Variants in NRAP observed in about 807,000 individuals in gnomAD.
NRAP encodes nebulin-related-anchoring protein.
NRAP carries 189 observed loss-of-function variants against 225.9 expected under a neutral mutation model. The observed-to-expected ratio is 0.84, with a 90% CI of 0.74 to 0.94. NRAP has a LOEUF of 0.94. Ranked by LOEUF, NRAP falls within the 40% of genes least tolerant of loss-of-function variation. NRAP has a pLI of 0.00. For missense variants in NRAP, 2,176 were observed against 2,168.7 expected (o/e 1.00, Z -0.07); for synonymous variants, 769 against 790.7 (o/e 0.97, Z 0.46).
intron 3 of NRAP, among the ~76,000 whole-genome samples, chr10:113,661,102 C>G (rs1249090829): frequency 1.3e-5 from 2 of 152,020 alleles, no homozygotes; most frequent in East Asian, 3.9e-4. Flanking sequence ...AAACAAAGTC[C>G]TAAAAGAATT....
In NRAP at chr10:113,597,078, G is replaced by A. The variant is rs763644027; in HGVS notation, c.4431+8C>T. The stretch of plus-strand genomic sequence containing the variant: ...CATGCCCGGGATGAATGACAAGAAA[G>A]GACCCACCTCATTGCAGTGCATATA... On this transcript the variant is annotated splice_region_variant and intron_variant, in intron 37 of 41. Coordinates refer to ENST00000359988, the MANE Select transcript of NRAP (RefSeq NM_198060.4). 1 of 1,592,790 alleles carries A rather than the reference G, an allele frequency of 6.3e-7. No individual in the cohort carries two copies. The highest frequency in any genetic ancestry group is 2.2e-5 in the East Asian group (1 of 44,788).
At chr10:113,662,473 A>G (rs1850739272) in intron 3 of NRAP, among the ~76,000 whole-genome samples, 1 of 152,218 alleles carries the variant, frequency 6.6e-6, no homozygotes, top group African/African-American at 2.4e-5. Context: ...TAAGAAATAA[A>G]GACAGGGTCT....
At chr10:113,601,677 C>CT (rs977574104) in intron 35 of NRAP, among the ~76,000 whole-genome samples, 11 of 152,144 alleles carry the variant, frequency 7.2e-5, no homozygotes, top group Non-Finnish European at 1.2e-4. Flanking sequence ...TCTCTGCTTT[C>CT]TTTTTTTAGT....
rs1341193127 is a variant in NRAP at position 113,590,678 on chromosome 10, G to T, written c.4856C>A (p.Ala1619Asp). 2.2e-5 allele frequency: 35 copies of T among 1,614,074 alleles called. No individual in the cohort carries two copies. Among genetic ancestry groups the T allele is most frequent in the Non-Finnish European group, 2.9e-5 (34 of 1,180,034 alleles). Residue 1619 changes from alanine (A) to aspartate (D), a missense_variant, in exon 40 of 42, where the codon GCC (alanine) becomes GAC (aspartate). Physicochemically the swap from Ala to Asp is moderately radical, Grantham distance 126. This residue lies in a region of NRAP where 445 missense variants were observed against 426.1 expected (regional missense o/e 1.04). Transcript: ENST00000359988. ...GGGCTGCCTGTAGTGCACATCACTG[G>T]CCAGCTGCTGGCTCCTCTTGGCCTG... is the stretch of plus-strand genomic sequence containing the variant. ...LLQAKRSQQLASDVHYRQPLP... is the reference protein window; with the variant it reads ...LLQAKRSQQLDSDVHYRQPLP...
Position 113,654,113 on chromosome 10 carries a change from T to C in NRAP, c.373A>G (p.Thr125Ala). The change falls in exon 5 of 42, where the codon ACT (threonine) becomes GCT (alanine). Residue 125 changes from threonine (T) to alanine (A), a missense_variant. This residue lies in a region of NRAP where 1,708 missense variants were observed against 1,695.5 expected (regional missense o/e 1.01). Transcript: ENST00000359988. ...CAAGCATTCCCTTCCCCATATCCAG[T>C]CCAATAGGCTCTCTACAAAGGAAGC... ...QPLANERAYW[T>A]GYGEGNAWCP... 6.2e-7 allele frequency: 1 copy of C among 1,608,684 alleles called. No individual in the cohort carries two copies. The highest frequency in any genetic ancestry group is 8.5e-7 in the Non-Finnish European group (1 of 1,175,256).
At position 113,595,173 on chromosome 10, in the gene NRAP, G is replaced by A. The variant is rs1002768163; in HGVS notation, c.4536+450C>T. ...ACAAAGGAGCGAGCTGCATTTGGAC[G>A]GGATGGGCTACCATTGCAGCATCTT... On this transcript the variant is annotated intron_variant, in intron 38 of 41. Transcript: ENST00000359988. 3.8e-4 allele frequency among the ~76,000 whole-genome samples: 57 copies of A among 148,312 alleles called. 1 individual carries two copies. Among genetic ancestry groups the A allele is most frequent in the Admixed American group, 3.7e-3 (55 of 14,810 alleles).
chr10:113,629,711 A>G lies in NRAP; in HGVS notation c.1917T>C (p.His639=), dbSNP rs771349935. Residue 639 remains histidine, a synonymous_variant, in exon 19 of 42, where the codon CAT becomes CAC. Coordinates refer to ENST00000359988, the MANE Select transcript of NRAP (RefSeq NM_198060.4). ...TGGCGAGAGTTTGGGCCTTCTTAGC[A>G]TGCCTGATGTTTACCATATCCATGG... is the stretch of plus-strand genomic sequence containing the variant. ...HLPMDMVNIR[H]AKKAQTLASD... The G allele has an allele frequency of 1.2e-6, 2 of 1,613,814 alleles. No homozygotes were observed. The highest frequency in any genetic ancestry group is 1.7e-6 in the Non-Finnish European group (2 of 1,179,826).
intron 22 of NRAP, among the ~76,000 whole-genome samples, chr10:113,624,052 T>C (rs1251791584): frequency 6.6e-6 from 1 of 152,196 alleles, no homozygotes; most frequent in African/African-American, 2.4e-5. Flanking sequence ...CCAGCCTCTC[T>C]AGTCCACCTG....
intron 39 of NRAP, 88 bp from the exon 40 acceptor site, chr10:113,590,977 A>C: frequency 2.5e-6 from 3 of 1,183,740 alleles, no homozygotes; most frequent in Non-Finnish European, 3.7e-6. Context: ...GGGCATTCTC[A>C]GCAGGAGGCT....
At chr10:113,662,578 G>A (rs1850747700) in intron 3 of NRAP, 101 bp downstream of exon 3, 1 of 749,284 alleles carries the variant, frequency 1.3e-6, no homozygotes, top group Middle Eastern at 2.3e-4. Context: ...GTGAGCCACT[G>A]TGCCTGGCTA....
At chr10:113,659,853 C>G (rs1850551618) in intron 3 of NRAP, among the ~76,000 whole-genome samples, 1 of 152,128 alleles carries the variant, frequency 6.6e-6, no homozygotes, top group Non-Finnish European at 1.5e-5. Flanking sequence ...AAATCTCTTT[C>G]CTTTTTTGAT....
At chr10:113,605,716 G>A in intron 34 of NRAP, 46 bp downstream of exon 34, 2 of 1,276,430 alleles carry the variant, frequency 1.6e-6, no homozygotes, top group Non-Finnish European at 2.3e-6. Context: ...TTTACATGAA[G>A]TTAACAGAAA....
At chr10:113,612,924 T>C (rs1174114379) in intron 29 of NRAP, among the ~76,000 whole-genome samples, 1 of 152,132 alleles carries the variant, frequency 6.6e-6, no homozygotes, top group Non-Finnish European at 1.5e-5. Flanking sequence ...GGGAGGATGC[T>C]TGGAGAGTCA....
intron 29 of NRAP, 139 bp downstream of exon 29, chr10:113,614,044 G>A (rs912401935): frequency 1.5e-6 from 1 of 665,480 alleles, no homozygotes; most frequent in African/African-American, 1.8e-5. Context: ...GAGGGGACAA[G>A]TGATTTAACA....
chr10:113,621,934 A>C lies in NRAP; in HGVS notation c.2704T>G (p.Phe902Val). The stretch of plus-strand genomic sequence containing the variant: ...TTCATGTCTGTGGGCAAAGCCGTAA[A>C]GTGATGTTCCGCTGTCTTGTAGCCT... Reference protein sequence around the residue: ...DVGYKTAEHHFTALPTDMKVE... With the variant: ...DVGYKTAEHHVTALPTDMKVE... Residue 902 changes from phenylalanine (F) to valine (V), a missense_variant, in exon 24 of 42, where the codon TTT becomes GTT. Coordinates refer to ENST00000359988, the MANE Select transcript of NRAP (RefSeq NM_198060.4). 1 of 1,614,178 alleles carries C rather than the reference A, an allele frequency of 6.2e-7. No homozygotes were observed. The highest frequency in any genetic ancestry group is 8.5e-7 in the Non-Finnish European group (1 of 1,180,018).
chr10:113,634,201 T>C lies in NRAP; in HGVS notation c.1438A>G (p.Arg480Gly). 1 of 1,610,916 alleles carries C rather than the reference T, an allele frequency of 6.2e-7. No individual in the cohort carries two copies. Among genetic ancestry groups the C allele is most frequent in the Non-Finnish European group, 8.5e-7 (1 of 1,177,094 alleles). The change falls in exon 15 of 42, where the codon AGG (arginine) becomes GGG (glycine). Residue 480 changes from arginine to glycine, a missense_variant. This residue lies in a region of NRAP where 1,708 missense variants were observed against 1,695.5 expected (regional missense o/e 1.01). Coordinates refer to ENST00000359988, the MANE Select transcript of NRAP (RefSeq NM_198060.4). ...KLVPLKDANY[R>G]QSIDKLKYSS... ...TACTTCAACTTGTCGATGCTCTGCC[T>C]ATAATTGGCCTAGGTAAAAACAGGC...
intron 35 of NRAP, among the ~76,000 whole-genome samples, chr10:113,602,114 G>A (rs968355490): frequency 5.9e-5 from 9 of 152,170 alleles, no homozygotes; most frequent in Non-Finnish European, 1.0e-4. Flanking sequence ...CTGAACTCAA[G>A]CAATTCATTT....
At chr10:113,651,260 A>T (rs1849948000) in intron 7 of NRAP, among the ~76,000 whole-genome samples, 1 of 152,138 alleles carries the variant, frequency 6.6e-6, no homozygotes, top group Non-Finnish European at 1.5e-5. Flanking sequence ...CTCCACCTCC[A>T]AGCAAGGAAA....
At chr10:113,637,580 A>G (rs1270384228) in intron 14 of NRAP, among the ~76,000 whole-genome samples, 1 of 152,220 alleles carries the variant, frequency 6.6e-6, no homozygotes, top group African/African-American at 2.4e-5. Flanking sequence ...GAAATAACGA[A>G]GTGCTCCTGA....
Sources: gnomAD v4.1 joint callset for allele counts (sites outside exome capture counted in the v4.1 genomes callset) on GRCh38, gnomAD v4.1.1 for gene constraint, gnomAD v4.1.1 regional missense constraint, MANE v1.5 for transcripts, NCBI Gene and HGNC (gene_info 2026-07-23, HGNC 2026-07-21) for gene names.